Variants in DNAH7 observed in about 807,000 individuals in gnomAD.
The protein encoded by DNAH7 is dynein axonemal heavy chain 7, also known as axonemal beta dynein heavy chain 7.
DNAH7 carries 397 observed loss-of-function variants against 444.6 expected under a neutral mutation model. The ratio of observed to expected loss-of-function variants is 0.89; its 90% CI spans 0.82 to 0.97. The LOEUF (loss-of-function observed/expected upper bound fraction) is 0.97, where lower values mean the gene tolerates loss of function less well. Among genes scored for constraint, DNAH7 ranks in the 50% least tolerant of loss-of-function variants. DNAH7 has a pLI of 0.00. For missense variants in DNAH7, 4,902 were observed against 4,800.8 expected (o/e 1.02, Z -0.62); for synonymous variants, 1,636 against 1,624.4 (o/e 1.01, Z -0.17).
At chr2:195,989,747 T>C (rs1693172410) in intron 12 of DNAH7, among the ~76,000 whole-genome samples, 1 of 152,102 alleles carries the variant, frequency 6.6e-6, no homozygotes, top group Non-Finnish European at 1.5e-5. Context: ...TCTCATGAGA[T>C]CTGGTCATTT....
At chr2:195,955,498 A>T (rs1053598771) in intron 19 of DNAH7, among the ~76,000 whole-genome samples, 1 of 152,062 alleles carries the variant, frequency 6.6e-6, no homozygotes, top group Non-Finnish European at 1.5e-5. Context: ...GGATTAAGAC[A>T]ATCAAGTCTT....
At chr2:195,833,176 G>A (rs984670664) in intron 48 of DNAH7, among the ~76,000 whole-genome samples, 1 of 152,144 alleles carries the variant, frequency 6.6e-6, no homozygotes, top group Non-Finnish European at 1.5e-5. Flanking sequence ...TTTAATAGTA[G>A]AGATCATGTT....
At chr2:195,993,383 T>C (rs560865786) in intron 12 of DNAH7, among the ~76,000 whole-genome samples, 8 of 152,260 alleles carry the variant, frequency 5.3e-5, no homozygotes, top group African/African-American at 1.9e-4. Context: ...TAAATTGAAA[T>C]GGTGATGAAT....
At chr2:196,012,394 C>T (rs911882086) in intron 10 of DNAH7, among the ~76,000 whole-genome samples, 3 of 152,096 alleles carry the variant, frequency 2.0e-5, no homozygotes, top group African/African-American at 7.2e-5. Flanking sequence ...CTTAACCATT[C>T]TTTAAACTCT....
intron 25 of DNAH7, among the ~76,000 whole-genome samples, chr2:195,909,246 T>C (rs911852981): frequency 2.2e-4 from 33 of 152,066 alleles, no homozygotes; most frequent in African/African-American, 8.0e-4. Flanking sequence ...AAATAAAAAT[T>C]GGAAATAAAA....
chr2:195,979,837 A>G (rs1297752004), intron 15 of DNAH7, among the ~76,000 whole-genome samples: 2 of 152,024 alleles, frequency 1.3e-5, no homozygotes, highest in African/African-American at 4.8e-5. Context: ...AAAGACAACT[A>G]TATCCCAATA....
intron 6 of DNAH7, among the ~76,000 whole-genome samples, chr2:196,027,275 T>C (rs1008573732): frequency 2.6e-5 from 4 of 152,124 alleles, no homozygotes; most frequent in African/African-American, 9.6e-5. Context: ...CTTTTTATTA[T>C]TATCAGAAGT....
Position 195,801,187 on chromosome 2 carries a change from A to T in DNAH7, c.10177-1715T>A, listed in dbSNP as rs574445330. 2.6e-5 allele frequency among the ~76,000 whole-genome samples: 4 copies of T among 152,292 alleles called. No individual in the cohort carries two copies. The South Asian group carries it at 8.3e-4, about 32-fold the overall frequency. On this transcript the variant is annotated intron_variant, in intron 54 of 64. Coordinates refer to ENST00000312428, the MANE Select transcript of DNAH7 (RefSeq NM_018897.3). ...AATCTCTCTTCTTTATAAGTGACGAAGCCTTAGGTTGTCTGTTACAGCAAC... is the reference window on the plus strand; with the variant it reads ...AATCTCTCTTCTTTATAAGTGACGATGCCTTAGGTTGTCTGTTACAGCAAC...
intron 38 of DNAH7, among the ~76,000 whole-genome samples, chr2:195,874,309 A>G (rs1438265516): frequency 6.6e-6 from 1 of 152,232 alleles, no homozygotes; most frequent in Non-Finnish European, 1.5e-5. Flanking sequence ...GGAAAATATA[A>G]AACAGTTTAA....
chr2:195,781,928 C>G (rs548177664), intron 58 of DNAH7, among the ~76,000 whole-genome samples: 1 of 144,380 alleles, frequency 6.9e-6, no homozygotes, highest in South Asian at 2.3e-4. Context: ...AAAATGGTTG[C>G]CTTGGGGATC....
At chr2:195,975,722 C>A (rs1426106870) in intron 15 of DNAH7, among the ~76,000 whole-genome samples, 5 of 152,162 alleles carry the variant, frequency 3.3e-5, no homozygotes, top group Non-Finnish European at 5.9e-5. Flanking sequence ...GATACCAGCT[C>A]AGCCACAGCA....
At chr2:195,967,564 T>C (rs889913682) in intron 17 of DNAH7, among the ~76,000 whole-genome samples, 4 of 152,178 alleles carry the variant, frequency 2.6e-5, no homozygotes, top group Non-Finnish European at 4.4e-5. Flanking sequence ...CAGCTTTTGT[T>C]TGTCTGGGAA....
intron 22 of DNAH7, 91 bp downstream of exon 22, chr2:195,926,335 G>A: frequency 7.8e-6 from 9 of 1,149,618 alleles, no homozygotes; most frequent in African/African-American, 1.6e-5. Context: ...TAAGTGAACT[G>A]TATTTATTTT....
At position 195,906,726 on chromosome 2, in the gene DNAH7, G is replaced by A. The variant is rs1687048127; in HGVS notation, c.4268C>T (p.Thr1423Ile). The A allele has an allele frequency of 9.9e-6, 16 of 1,613,424 alleles. No homozygotes were observed. The highest frequency in any genetic ancestry group is 1.3e-5 in the African/African-American group (1 of 74,976). The change falls in exon 27 of 65, where the codon ACA (threonine) becomes ATA (isoleucine). Residue 1423 changes from threonine to isoleucine, a missense_variant. Thr to Ile is a moderately conservative substitution (Grantham distance 89). Transcript: ENST00000312428. ...FEGTELKLDP[T>I]CAVFITMNPG... ...GTTCATTGTTATAAAGACAGCACAT[G>A]TGGGGTCAAGTTTTAGTTCAGTTCC...
chr2:195,756,328 T>C (rs745326510), intron 61 of DNAH7, 43 bp from the exon 62 acceptor site: 6 of 1,492,662 alleles, frequency 4.0e-6, no homozygotes, highest in Admixed American at 2.1e-5. Flanking sequence ...GTATAGATTA[T>C]GATAGATTAT....
chr2:195,776,826 A>T lies in DNAH7; in HGVS notation c.11065-843T>A, dbSNP rs570635032. Among the ~76,000 whole-genome samples, 49 of 152,224 alleles carry T rather than the reference A, an allele frequency of 3.2e-4. No individual in the cohort carries two copies. The South Asian group carries it at 8.9e-3, about 28-fold the overall frequency. On this transcript the variant is annotated intron_variant, in intron 59 of 64. Transcript: ENST00000312428. The stretch of plus-strand genomic sequence containing the variant: ...AAATTTCATACCTTCCTTGATGCTC[A>T]TAGAATCATATACAAACATCCACAC...
At chr2:195,740,640 TATATACATATACAC>T (rs1264140620) in intron 64 of DNAH7, 112 bp downstream of exon 64, 85 of 91,418 alleles carry the variant, frequency 9.3e-4, no homozygotes, top group East Asian at 6.0e-3. Context: ...TATATATATA[TATATACATATACAC>T]ACACACATAT....
chr2:196,055,181 C>A (rs1231737757), intron 2 of DNAH7, among the ~76,000 whole-genome samples: 1 of 152,042 alleles, frequency 6.6e-6, no homozygotes, highest in African/African-American at 2.4e-5. Flanking sequence ...CATGGTGAAA[C>A]CCTGTCTCTA....
At position 195,882,010 on chromosome 2, in the gene DNAH7, C is replaced by G; in HGVS notation, c.5764-18G>C. On this transcript the variant is annotated intron_variant, in intron 35 of 64. Coordinates refer to ENST00000312428, the MANE Select transcript of DNAH7 (RefSeq NM_018897.3). ...CCTATTCCCTGTTTATAATTAACAACCAAGTAATGAATGCTATAAAATACT... is the reference window on the plus strand; with the variant it reads ...CCTATTCCCTGTTTATAATTAACAAGCAAGTAATGAATGCTATAAAATACT... The G allele has an allele frequency of 3.1e-6, 5 of 1,601,886 alleles. No individual in the cohort carries two copies. The highest frequency in any genetic ancestry group is 2.7e-5 in the African/African-American group (2 of 74,542).
Sources: allele counts gnomAD v4.1 joint callset (sites outside exome capture counted in the v4.1 genomes callset), GRCh38; gene constraint gnomAD v4.1.1; transcripts MANE v1.5; gene names NCBI Gene and HGNC (gene_info 2026-07-23, HGNC 2026-07-21).